PDE4B: variants seen among roughly 807,000 people sequenced by gnomAD.
The protein encoded by PDE4B is 3',5'-cyclic-AMP phosphodiesterase 4B.
PDE4B carries 20 observed loss-of-function variants against 82.2 expected under a neutral mutation model. That is an observed-to-expected ratio of 0.24 (90% CI 0.17 to 0.35). The LOEUF (loss-of-function observed/expected upper bound fraction) is 0.35, where lower values mean the gene tolerates loss of function less well. PDE4B is among the 10% of genes least tolerant of loss of function. PDE4B has a pLI of 1.00. For synonymous variants in PDE4B, 320 were observed against 318.9 expected, an observed-to-expected ratio of 1.00 and a Z score of -0.04; for missense variants, 655 against 907.2, an observed-to-expected ratio of 0.72 and a Z score of 3.57.
chr1:65,878,989 C>G (rs2100334809), intron 1 of PDE4B, among the ~76,000 whole-genome samples: 1 of 152,242 alleles, frequency 6.6e-6, no homozygotes, highest in East Asian at 1.9e-4. Context: ...CAGGTATTAT[C>G]TAAAGTCTTT....
chr1:66,069,716 A>G (rs1656053350), intron 3 of PDE4B, among the ~76,000 whole-genome samples: 1 of 152,060 alleles, frequency 6.6e-6, no homozygotes, highest in Non-Finnish European at 1.5e-5. Flanking sequence ...GTACCATTAT[A>G]GATAATAATA....
chr1:66,129,050 A>T (rs903844518), intron 3 of PDE4B, among the ~76,000 whole-genome samples: 1 of 152,248 alleles, frequency 6.6e-6, no homozygotes, highest in Admixed American at 6.5e-5. Context: ...AACTGAGGGA[A>T]GTAGATTTGC....
chr1:66,342,548 TAAA>T (rs374881888), intron 8 of PDE4B, among the ~76,000 whole-genome samples: 1 of 96,522 alleles, frequency 1.0e-5, no homozygotes, highest in Non-Finnish European at 2.3e-5. Flanking sequence ...TGTCTCTAAT[TAAA>T]AAAAAAAAAA....
intron 15 of PDE4B, 106 bp from the exon 16 acceptor site, chr1:66,368,681 A>C: frequency 3.7e-6 from 3 of 803,374 alleles, no homozygotes. Context: ...AATGCAACTA[A>C]AATGTTCTCG....
intron 3 of PDE4B, among the ~76,000 whole-genome samples, chr1:66,045,019 T>C (rs1322744532): frequency 1.3e-5 from 2 of 151,714 alleles, no homozygotes; most frequent in Non-Finnish European, 3.0e-5. Flanking sequence ...TGGAATAAAA[T>C]AACCAGCCAC....
chr1:65,834,025 C>T (rs917820752), intron 1 of PDE4B, among the ~76,000 whole-genome samples: 2 of 152,070 alleles, frequency 1.3e-5, no homozygotes, highest in Non-Finnish European at 2.9e-5. Context: ...CACTGAGTTT[C>T]TTTAAGCAAG....
intron 3 of PDE4B, among the ~76,000 whole-genome samples, chr1:66,113,491 C>T (rs890030038): frequency 2.6e-5 from 4 of 152,056 alleles, no homozygotes; most frequent in African/African-American, 9.7e-5. Flanking sequence ...CTATGCTAGT[C>T]CATAATAAGA....
At chr1:66,205,941 G>A (rs572201129) in intron 3 of PDE4B, among the ~76,000 whole-genome samples, 2 of 152,150 alleles carry the variant, frequency 1.3e-5, no homozygotes, top group Non-Finnish European at 2.9e-5. Context: ...CCCTCCCCTT[G>A]CCAGGGACTT....
At chr1:65,991,712 C>T (rs1651254094) in intron 3 of PDE4B, among the ~76,000 whole-genome samples, 1 of 152,162 alleles carries the variant, frequency 6.6e-6, no homozygotes, top group African/African-American at 2.4e-5. Context: ...GGACTTGAGG[C>T]ATTTTTTGGA....
intron 3 of PDE4B, among the ~76,000 whole-genome samples, chr1:66,049,136 G>A (rs560418137): frequency 2.0e-4 from 31 of 152,034 alleles, no homozygotes; most frequent in East Asian, 1.4e-3. Context: ...AAGGAGATTA[G>A]GCTCTACTCT....
At chr1:66,052,792 GC>G (rs1655109563) in intron 3 of PDE4B, among the ~76,000 whole-genome samples, 1 of 152,024 alleles carries the variant, frequency 6.6e-6, no homozygotes, top group Non-Finnish European at 1.5e-5. Flanking sequence ...TGTTTTCTGA[GC>G]CTCATGACAC....
intron 7 of PDE4B, among the ~76,000 whole-genome samples, chr1:66,282,797 C>G (rs1330544334): frequency 6.6e-6 from 1 of 152,136 alleles, no homozygotes; most frequent in Middle Eastern, 3.4e-3. Flanking sequence ...TATAATGGCT[C>G]CTGGCCCAAA....
intron 3 of PDE4B, among the ~76,000 whole-genome samples, chr1:66,016,877 A>G (rs973871744): frequency 3.3e-5 from 5 of 152,220 alleles, no homozygotes; most frequent in South Asian, 2.1e-4. Context: ...TTCAACGCCA[A>G]GTCAGACTTG....
At chr1:66,091,410 G>A (rs1206519042) in intron 3 of PDE4B, among the ~76,000 whole-genome samples, 1 of 152,042 alleles carries the variant, frequency 6.6e-6, no homozygotes, top group Non-Finnish European at 1.5e-5. Flanking sequence ...TGCTCACTGA[G>A]TGTCTCTGTT....
At chr1:65,803,693 C>G (rs1645722018) in intron 1 of PDE4B, among the ~76,000 whole-genome samples, 1 of 152,064 alleles carries the variant, frequency 6.6e-6, no homozygotes, top group Non-Finnish European at 1.5e-5. Flanking sequence ...GATTCCAGTG[C>G]TGGAAATAGA....
chr1:65,861,216 A>T (rs1646450536), intron 1 of PDE4B, among the ~76,000 whole-genome samples: 1 of 152,114 alleles, frequency 6.6e-6, no homozygotes, highest in Admixed American at 6.6e-5. Context: ...TCTTGAGTTA[A>T]TTTTTGTATG....
At chr1:66,321,145 T>A (rs1323376803) in intron 7 of PDE4B, among the ~76,000 whole-genome samples, 8 of 152,168 alleles carry the variant, frequency 5.3e-5, no homozygotes, top group Non-Finnish European at 1.5e-5. Flanking sequence ...ATAAAAAGCT[T>A]TTTATAAATT....
chr1:66,344,005 C>G (rs1012311631), intron 8 of PDE4B, among the ~76,000 whole-genome samples: 1 of 152,076 alleles, frequency 6.6e-6, no homozygotes, highest in African/African-American at 2.4e-5. Context: ...ACTCCAACTC[C>G]CACTCTGGAT....
intron 7 of PDE4B, among the ~76,000 whole-genome samples, chr1:66,320,464 G>C (rs1311565561): frequency 2.0e-5 from 3 of 152,164 alleles, no homozygotes; most frequent in Non-Finnish European, 4.4e-5. Flanking sequence ...ATTAGCTGTG[G>C]TAACACTGAA....
Sources: gnomAD v4.1 joint callset for allele counts (sites outside exome capture counted in the v4.1 genomes callset) on GRCh38, gnomAD v4.1.1 for gene constraint, MANE v1.5 for transcripts, NCBI Gene and HGNC (gene_info 2026-07-23, HGNC 2026-07-21) for gene names.